The following RIT2 variants were observed in gnomAD, a reference collection of about 807,000 sequenced individuals.
RIT2 encodes GTP-binding protein Rit2.
RIT2 carries 24 observed loss-of-function variants against 23.7 expected under a neutral mutation model. The observed-to-expected ratio is 1.01, with a 90% CI of 0.73 to 1.43. The LOEUF (loss-of-function observed/expected upper bound fraction) is 1.43. RIT2 is among the 40% of genes most tolerant of loss of function. The pLI, the probability that RIT2 is intolerant of heterozygous loss-of-function variation, is 0.00. For synonymous variants in RIT2, 107 were observed against 91.1 expected, an observed-to-expected ratio of 1.17 and a Z score of -0.99; for missense variants, 236 against 266.9, an observed-to-expected ratio of 0.88 and a Z score of 0.81.
At chr18:42,979,180 G>C (rs929756968) in intron 2 of RIT2, among the ~76,000 whole-genome samples, 4 of 151,536 alleles carry the variant, frequency 2.6e-5, no homozygotes, top group Non-Finnish European at 4.4e-5. Flanking sequence ...AAGGTATTCT[G>C]GATAATTTTC....
chr18:43,009,232 T>C (rs1029030359), intron 2 of RIT2, among the ~76,000 whole-genome samples: 3 of 151,720 alleles, frequency 2.0e-5, no homozygotes, highest in African/African-American at 4.8e-5. Context: ...TACACGTCAG[T>C]CACAAACTTT....
intron 2 of RIT2, among the ~76,000 whole-genome samples, chr18:43,028,986 A>G (rs1474621690): frequency 1.3e-5 from 2 of 152,032 alleles, no homozygotes; most frequent in Non-Finnish European, 1.5e-5. Flanking sequence ...TTAATGTAGT[A>G]CATTTGTTCC....
intron 4 of RIT2, among the ~76,000 whole-genome samples, chr18:42,895,133 G>A (rs1202218812): frequency 6.6e-6 from 1 of 152,122 alleles, no homozygotes; most frequent in Non-Finnish European, 1.5e-5. Context: ...TTAGATATAA[G>A]ATATGAATTG....
chr18:42,920,763 G>A (rs773256527), intron 4 of RIT2: 1 of 1,590,386 alleles, frequency 6.3e-7, no homozygotes, highest in Non-Finnish European at 8.5e-7. Context: ...AGTGTAGGCT[G>A]ATAAGGAATA....
intron 1 of RIT2, among the ~76,000 whole-genome samples, chr18:43,073,779 A>G (rs9948883): frequency 0.11 from 16,088 of 152,228 alleles, 915 homozygotes; most frequent in Non-Finnish European, 0.12. Flanking sequence ...TCCACTAACC[A>G]TAAAACATAA....
chr18:42,944,634 C>A (rs1909684836), intron 3 of RIT2, among the ~76,000 whole-genome samples: 1 of 152,142 alleles, frequency 6.6e-6, no homozygotes. Flanking sequence ...TCGCCCAATT[C>A]TCTCCAAGAT....
At chr18:42,783,396 G>T (rs751972784) in intron 4 of RIT2, among the ~76,000 whole-genome samples, 1 of 152,048 alleles carries the variant, frequency 6.6e-6, no homozygotes, top group Non-Finnish European at 1.5e-5. Context: ...AGGAAATAAA[G>T]ATTTTACATG....
intron 1 of RIT2, among the ~76,000 whole-genome samples, chr18:43,099,902 G>A (rs1022357323): frequency 9.2e-5 from 14 of 152,034 alleles, no homozygotes; most frequent in Non-Finnish European, 1.8e-4. Context: ...TACTGCTGCA[G>A]CCCTGAATCT....
intron 4 of RIT2, among the ~76,000 whole-genome samples, chr18:42,909,901 A>T (rs1227430729): frequency 1.3e-5 from 2 of 152,124 alleles, no homozygotes; most frequent in Non-Finnish European, 2.9e-5. Context: ...TTTAAAAATT[A>T]TATTTTATAG....
At chr18:42,840,110 A>C (rs149471255) in intron 4 of RIT2, among the ~76,000 whole-genome samples, 26 of 152,340 alleles carry the variant, frequency 1.7e-4, no homozygotes, top group Middle Eastern at 3.4e-3. Flanking sequence ...TGTATTGCAA[A>C]AAACTCCAAT....
At chr18:42,908,132 CA>C (rs1908672051) in intron 4 of RIT2, among the ~76,000 whole-genome samples, 1 of 143,110 alleles carries the variant, frequency 7.0e-6, no homozygotes, top group South Asian at 2.2e-4. Context: ...AATAACCAAA[CA>C]AAGAAAAAAA....
intron 3 of RIT2, among the ~76,000 whole-genome samples, chr18:42,932,288 C>CT (rs1163811841): frequency 3.9e-5 from 6 of 152,132 alleles, no homozygotes; most frequent in Non-Finnish European, 5.9e-5. Context: ...TGAGTGGCTA[C>CT]TGTAACCCCA....
At chr18:43,035,634 C>A (rs564609669) in intron 1 of RIT2, among the ~76,000 whole-genome samples, 9 of 152,228 alleles carry the variant, frequency 5.9e-5, no homozygotes, top group African/African-American at 2.2e-4. Context: ...ATTCTCAATA[C>A]CTGATCAAAT....
chr18:43,007,243 G>T (rs1911248810), intron 2 of RIT2, among the ~76,000 whole-genome samples: 1 of 151,680 alleles, frequency 6.6e-6, no homozygotes, highest in Non-Finnish European at 1.5e-5. Flanking sequence ...TTTATATGTA[G>T]AATTAAGACT....
chr18:42,947,838 A>G (rs1455282449), intron 3 of RIT2, among the ~76,000 whole-genome samples: 1 of 152,142 alleles, frequency 6.6e-6, no homozygotes, highest in Non-Finnish European at 1.5e-5. Context: ...AAATACATTT[A>G]AGTCAAAAGA....
Position 43,115,663 on chromosome 18 carries a change from T to A in RIT2, c.-144A>T. The A allele has an allele frequency of 8.2e-7, 1 of 1,222,648 alleles. No homozygotes were observed. Among genetic ancestry groups the A allele is most frequent in the East Asian group, 2.9e-5 (1 of 34,414 alleles). 75.7% of individuals were successfully genotyped at this position (1,222,648 alleles called of 1,614,324 possible). A position where few individuals can be genotyped will look rare whatever the true frequency, so the allele number is the denominator to read the frequency against. On this transcript the variant is annotated 5_prime_UTR_variant, in exon 1 of 5. Transcript: ENST00000326695. The stretch of plus-strand genomic sequence containing the variant: ...CCATCAGCGTCGGGCTGGCTGCTGG[T>A]CCTCCGCTCGAGCGGGTCTCATAGC...
rs370589583 is a variant in RIT2, at chr18:43,111,171, A to G, written c.103+4246T>C. Among the ~76,000 whole-genome samples the G allele has an allele frequency of 5.1e-4, 78 of 152,304 alleles. No individual in the cohort carries two copies. In the East Asian group the frequency reaches 0.014, roughly 28 times the overall value. On this transcript the variant is annotated intron_variant, in intron 1 of 4. Transcript: ENST00000326695. ...AACAGCATGCATGGAAATGGAGATC[A>G]TTGTGTCAAGTGAAATAAGCCAGAC...
At chr18:42,814,162 A>G (rs562738687) in intron 4 of RIT2, among the ~76,000 whole-genome samples, 1 of 152,162 alleles carries the variant, frequency 6.6e-6, no homozygotes, top group Non-Finnish European at 1.5e-5. Context: ...GCCGCAGGGA[A>G]AAGGAAATCT....
chr18:43,044,319 G>T (rs920553484), intron 1 of RIT2, among the ~76,000 whole-genome samples: 8 of 152,094 alleles, frequency 5.3e-5, no homozygotes, highest in African/African-American at 1.9e-4. Context: ...TTTCTACAAT[G>T]AAAGAAGTTC....
Sources: gnomAD v4.1 joint callset for allele counts (sites outside exome capture counted in the v4.1 genomes callset) on GRCh38, gnomAD v4.1.1 for gene constraint, MANE v1.5 for transcripts, NCBI Gene and HGNC (gene_info 2026-07-23, HGNC 2026-07-21) for gene names.